Variants in DCAF12 observed in about 807,000 individuals in gnomAD.
The protein encoded by DCAF12 is DDB1- and CUL4-associated factor 12.
In DCAF12, 28 loss-of-function variants were observed where a neutral mutation model predicts 52.8. That is an observed-to-expected ratio of 0.53 (90% CI 0.39 to 0.73). The LOEUF (loss-of-function observed/expected upper bound fraction) is 0.73, where lower values mean the gene tolerates loss of function less well. Ranked by LOEUF, DCAF12 falls within the 30% of genes least tolerant of loss-of-function variation. The pLI, the probability that DCAF12 is intolerant of heterozygous loss-of-function variation, is 0.00. For missense variants in DCAF12, 425 were observed against 552.2 expected, an observed-to-expected ratio of 0.77 and a Z score of 2.31; for synonymous variants, 196 against 215.5, an observed-to-expected ratio of 0.91 and a Z score of 0.79.
At chr9:34,111,012 G>C (rs1472828960) in intron 2 of DCAF12, among the ~76,000 whole-genome samples, 17 of 122,102 alleles carry the variant, frequency 1.4e-4, no homozygotes, top group African/African-American at 5.1e-4. Flanking sequence ...TTGAGACCAA[G>C]TCTTGCTCTG....
intron 7 of DCAF12, among the ~76,000 whole-genome samples, chr9:34,092,400 G>A (rs1230903243): frequency 1.3e-5 from 2 of 152,070 alleles, no homozygotes; most frequent in Non-Finnish European, 2.9e-5. Flanking sequence ...AGAAAGTAGG[G>A]CTCTCGGCCA....
At chr9:34,096,075 A>C (rs1828730284) in intron 6 of DCAF12, 1 of 152,116 alleles carries the variant, frequency 6.6e-6, no homozygotes, top group Non-Finnish European at 1.5e-5. Flanking sequence ...AAGAATTGAG[A>C]CCAGGTGCAA....
rs1295949997 is a variant in DCAF12 at position 34,098,506 on chromosome 9, C to A, written c.613G>T (p.Gly205Cys). Reference protein sequence around the residue: ...DTMAVSGSRDGSMGLWEVTDD... With the variant: ...DTMAVSGSRDCSMGLWEVTDD... ...GTCACCTCCCAGAGTCCCATAGAAC[C>A]ATCACGTGAGCCTGCAGGGCCAGGA... Residue 205 changes from glycine (G) to cysteine (C), a missense_variant, in exon 5 of 9, where the codon GGT (glycine) becomes TGT (cysteine). This residue lies in a region of DCAF12 where 328 missense variants were observed against 444.4 expected (regional missense o/e 0.74). Transcript: ENST00000361264. 1.9e-6 allele frequency: 3 copies of A among 1,613,212 alleles called. No homozygotes were observed. The highest frequency in any genetic ancestry group is 3.3e-5 in the Admixed American group (2 of 59,990).
chr9:34,092,818 G>A (rs1828666477), intron 7 of DCAF12, among the ~76,000 whole-genome samples: 1 of 152,088 alleles, frequency 6.6e-6, no homozygotes, highest in South Asian at 2.1e-4. Flanking sequence ...GTGTTTGAAA[G>A]TCTAGTGCCC....
intron 6 of DCAF12, among the ~76,000 whole-genome samples, chr9:34,094,562 G>C (rs1319132508): frequency 7.2e-6 from 1 of 139,504 alleles, no homozygotes; most frequent in Non-Finnish European, 1.5e-5. Context: ...ACGGAGTCTC[G>C]CACTGTCGCC....
At chr9:34,090,682 T>C (rs1828629251) in intron 7 of DCAF12, among the ~76,000 whole-genome samples, 1 of 152,078 alleles carries the variant, frequency 6.6e-6, no homozygotes, top group Admixed American at 6.6e-5. Flanking sequence ...CTCTTTTTTT[T>C]TGAGCTCTGT....
intron 8 of DCAF12, among the ~76,000 whole-genome samples, chr9:34,088,753 T>G (rs2131423563): frequency 6.6e-6 from 1 of 152,236 alleles, no homozygotes; most frequent in South Asian, 2.1e-4. Flanking sequence ...TCAGGAGACT[T>G]AGAACCAAAG....
At chr9:34,105,264 A>AG in intron 4 of DCAF12, among the ~76,000 whole-genome samples, 1 of 151,944 alleles carries the variant, frequency 6.6e-6, no homozygotes, top group East Asian at 1.9e-4. Context: ...AAAAAAAAAA[A>AG]AAATCATACT....
At position 34,107,398 on chromosome 9, in the gene DCAF12, G is replaced by A. The variant is rs1564098650; in HGVS notation, c.501C>T (p.Ile167=). ...TGGDNPNSLA[I]YRLPTLDPVC... ...CAGGATCCAGCGTAGGTAGTCGATAGATGGCAAGACTGTTGGGGTTGTCTC... is the reference window on the plus strand; with the variant it reads ...CAGGATCCAGCGTAGGTAGTCGATAAATGGCAAGACTGTTGGGGTTGTCTC... Residue 167 remains isoleucine (I), a synonymous_variant, in exon 3 of 9, where the codon ATC becomes ATT. Transcript: ENST00000361264. 6.2e-7 allele frequency: 1 copy of A among 1,614,036 alleles called. No individual in the cohort carries two copies. Among genetic ancestry groups the A allele is most frequent in the Non-Finnish European group, 8.5e-7 (1 of 1,180,046 alleles).
At chr9:34,101,064 CTT>C (rs3061496) in intron 4 of DCAF12, among the ~76,000 whole-genome samples, 12 of 118,346 alleles carry the variant, frequency 1.0e-4, no homozygotes, top group South Asian at 2.8e-4. Flanking sequence ...CCCTCCCCAA[CTT>C]TTTTTTTTTT....
chr9:34,101,064 CTTT>C (rs3061496), intron 4 of DCAF12, among the ~76,000 whole-genome samples: 6 of 118,352 alleles, frequency 5.1e-5, no homozygotes, highest in African/African-American at 1.3e-4. Flanking sequence ...CCCTCCCCAA[CTTT>C]TTTTTTTTTT....
chr9:34,121,319 G>A (rs538001429), intron 2 of DCAF12, among the ~76,000 whole-genome samples: 3 of 152,220 alleles, frequency 2.0e-5, no homozygotes, highest in African/African-American at 4.8e-5. Context: ...GAATTTGCCC[G>A]TCGTGACAGT....
At position 34,088,110 on chromosome 9, in the gene DCAF12, G is replaced by C; in HGVS notation, c.*240C>G. The C allele has an allele frequency of 2.9e-6, 1 of 346,152 alleles. No homozygotes were observed. 21.4% of individuals were successfully genotyped at this position (346,152 alleles called of 1,614,324 possible). On this transcript the variant is annotated 3_prime_UTR_variant, in exon 9 of 9. Coordinates refer to ENST00000361264, the MANE Select transcript of DCAF12 (RefSeq NM_015397.4). Reference sequence around the variant, plus strand: ...TAGGGATTAGCAACAATGTTTGGTTGAAAAGCCAGAAATAATAAAAGATAG... The same window carrying C: ...TAGGGATTAGCAACAATGTTTGGTTCAAAAGCCAGAAATAATAAAAGATAG...
chr9:34,086,700 TGAG>T lies in DCAF12; in HGVS notation c.*1647_*1649del, dbSNP rs760032671. The T allele has an allele frequency of 1.3e-5, 2 of 152,184 alleles. No individual in the cohort carries two copies. The highest frequency in any genetic ancestry group is 2.9e-5 in the Non-Finnish European group (2 of 68,038). 9.4% of individuals were successfully genotyped at this position (152,184 alleles called of 1,614,324 possible). A position where few individuals can be genotyped will look rare whatever the true frequency, so the allele number is the denominator to read the frequency against. ...GCACCTATTTCTCTAGGTTCGAAGATGAGAATTCCAGAACCTGTGGTATGTGCT... is the reference window on the plus strand; with the variant it reads ...GCACCTATTTCTCTAGGTTCGAAGATAATTCCAGAACCTGTGGTATGTGCT... On this transcript the variant is annotated 3_prime_UTR_variant, in exon 9 of 9. Transcript: ENST00000361264.
At chr9:34,098,295 A>G in intron 5 of DCAF12, 29 bp downstream of exon 5, 1 of 1,602,426 alleles carries the variant, frequency 6.2e-7, no homozygotes, top group Non-Finnish European at 8.5e-7. Flanking sequence ...AGAGGAATAC[A>G]CGTCAGGGAT....
At chr9:34,088,960 A>T (rs1225936142) in intron 8 of DCAF12, among the ~76,000 whole-genome samples, 1 of 151,774 alleles carries the variant, frequency 6.6e-6, no homozygotes, top group Non-Finnish European at 1.5e-5. Flanking sequence ...AAAAAAATAA[A>T]TTAGCCGGGC....
At chr9:34,116,769 T>C (rs1340127608) in intron 2 of DCAF12, among the ~76,000 whole-genome samples, 1 of 152,048 alleles carries the variant, frequency 6.6e-6, no homozygotes, top group African/African-American at 2.4e-5. Context: ...TCACTCTAGG[T>C]CAGAAGTTTG....
intron 6 of DCAF12, among the ~76,000 whole-genome samples, chr9:34,094,429 T>C (rs1344437292): frequency 6.6e-6 from 1 of 151,426 alleles, no homozygotes. Flanking sequence ...AAAAGACAAA[T>C]GATTCACAGG....
At chr9:34,111,980 C>CAAA (rs542223380) in intron 2 of DCAF12, among the ~76,000 whole-genome samples, 1 of 140,920 alleles carries the variant, frequency 7.1e-6, no homozygotes, top group Non-Finnish European at 1.6e-5. Context: ...ACTAAAAATA[C>CAAA]AAAAAAAAAA....
Sources: allele counts gnomAD v4.1 joint callset (sites outside exome capture counted in the v4.1 genomes callset), GRCh38; gene constraint gnomAD v4.1.1; regional missense constraint gnomAD v4.1.1; transcripts MANE v1.5; gene names NCBI Gene and HGNC (gene_info 2026-07-23, HGNC 2026-07-21).